Variants in STK3 observed in about 807,000 individuals in gnomAD.
The protein encoded by STK3 is serine/threonine-protein kinase 3.
Under a neutral mutation model 58.0 loss-of-function variants are expected in STK3, and 41 were observed. The observed-to-expected ratio is 0.71, with a 90% CI of 0.55 to 0.92. STK3 has a LOEUF of 0.92. Ranked by LOEUF, STK3 falls within the 40% of genes least tolerant of loss-of-function variation. The pLI is 0.00. For missense variants in STK3, 479 were observed against 602.7 expected (o/e 0.79, Z 2.15); for synonymous variants, 170 against 191.0 (o/e 0.89, Z 0.91).
At chr8:98,904,454 A>T in intron 1 of STK3, 1 of 361,756 alleles carries the variant, frequency 2.8e-6, no homozygotes, top group South Asian at 2.3e-5. Flanking sequence ...ATTAAGAAAG[A>T]AAACATAGTT....
chr8:98,698,608 C>T lies in STK3; in HGVS notation c.684+7859G>A, dbSNP rs183607939. On this transcript the variant is annotated intron_variant, in intron 6 of 10. Coordinates refer to ENST00000419617, the MANE Select transcript of STK3 (RefSeq NM_006281.4). ...TGCTTATCTGCAAAGTATTTTATTT[C>T]TCCTTCACTTATGAAGCTTAGTTTG... is the stretch of plus-strand genomic sequence containing the variant. 5.8e-3 allele frequency among the ~76,000 whole-genome samples: 887 copies of T among 152,288 alleles called. 7 individuals are homozygous for T. Among genetic ancestry groups the T allele is most frequent in the Admixed American group, 0.012 (181 of 15,284 alleles).
chr8:98,504,817 T>A (rs554055880), intron 10 of STK3, among the ~76,000 whole-genome samples: 1 of 152,350 alleles, frequency 6.6e-6, no homozygotes, highest in East Asian at 1.9e-4. Flanking sequence ...CTGGCTGCCC[T>A]GAATATTTTT....
rs1203582337 is a variant in STK3, at chr8:98,866,304, G to A, written c.110+17343C>T. Among the ~76,000 whole-genome samples the A allele has an allele frequency of 2.0e-5, 3 of 152,186 alleles. No homozygotes were observed. In the East Asian group the frequency reaches 5.8e-4, roughly 29 times the overall value. On this transcript the variant is annotated intron_variant, in intron 3 of 12. Coordinates refer to the STK3 transcript ENST00000523601. ...CCTCTTATGTCTAGGGCTGTGGGCA[G>A]CTACCTATGTAGTGTAATTGGATCT...
intron 3 of STK3, among the ~76,000 whole-genome samples, chr8:98,765,758 C>T (rs943466393): frequency 3.3e-5 from 5 of 152,218 alleles, no homozygotes; most frequent in African/African-American, 4.8e-5. Flanking sequence ...ATGGCTGTTC[C>T]TTTGTTGCTG....
intron 1 of STK3, among the ~76,000 whole-genome samples, chr8:98,797,986 G>A (rs1016408184): frequency 6.6e-6 from 1 of 152,188 alleles, no homozygotes; most frequent in Non-Finnish European, 1.5e-5. Context: ...AACGATTAAA[G>A]AGCATATTCC....
At chr8:98,657,387 G>A (rs370791036) in intron 6 of STK3, among the ~76,000 whole-genome samples, 11 of 152,170 alleles carry the variant, frequency 7.2e-5, no homozygotes, top group African/African-American at 2.6e-4. Context: ...GAACCAAGCT[G>A]TCCAGCTCTT....
intron 6 of STK3, among the ~76,000 whole-genome samples, chr8:98,642,893 T>C (rs1278933948): frequency 1.3e-5 from 2 of 152,188 alleles, no homozygotes; most frequent in Non-Finnish European, 2.9e-5. Context: ...CTTATAAATC[T>C]TCAATGGCAA....
intron 1 of STK3, among the ~76,000 whole-genome samples, chr8:98,813,785 G>A (rs1461634650): frequency 6.6e-6 from 1 of 152,010 alleles, no homozygotes; most frequent in Non-Finnish European, 1.5e-5. Context: ...TATTACATTC[G>A]CTTTCTTAAT....
intron 2 of STK3, among the ~76,000 whole-genome samples, chr8:98,774,098 G>C (rs1831505970): frequency 6.6e-6 from 1 of 151,836 alleles, no homozygotes; most frequent in Non-Finnish European, 1.5e-5. Context: ...GACCGGCCTA[G>C]CTTATTATTT....
At chr8:98,504,904 T>A (rs1444864798) in intron 10 of STK3, among the ~76,000 whole-genome samples, 1 of 152,180 alleles carries the variant, frequency 6.6e-6, no homozygotes, top group African/African-American at 2.4e-5. Flanking sequence ...CTTTGTGGTG[T>A]TCTCTATATT....
intron 10 of STK3, among the ~76,000 whole-genome samples, chr8:98,491,059 A>G (rs185825558): frequency 1.3e-5 from 2 of 152,308 alleles, no homozygotes; most frequent in Admixed American, 1.3e-4. Context: ...AGATATATAA[A>G]GAAAAGGCCA....
chr8:98,497,909 T>C (rs1335251925), intron 10 of STK3, among the ~76,000 whole-genome samples: 1 of 152,162 alleles, frequency 6.6e-6, no homozygotes, highest in East Asian at 1.9e-4. Flanking sequence ...AGCATTTCCA[T>C]ATTATTCAGC....
downstream of STK3, among the ~76,000 whole-genome samples, chr8:98,453,139 G>A (rs1337093766): frequency 2.2e-5 from 2 of 91,932 alleles, 1 homozygote; most frequent in Non-Finnish European, 4.3e-5. Flanking sequence ...CCAGGCTGGA[G>A]CGCAGTGGTG....
At chr8:98,460,347 C>T (rs902797256) in intron 10 of STK3, among the ~76,000 whole-genome samples, 4 of 152,156 alleles carry the variant, frequency 2.6e-5, no homozygotes, top group Non-Finnish European at 4.4e-5. Flanking sequence ...AATGCCTGTA[C>T]CCCCATTGTG....
intron 6 of STK3, among the ~76,000 whole-genome samples, chr8:98,703,185 AT>A (rs1033698672): frequency 1.3e-5 from 2 of 152,074 alleles, no homozygotes; most frequent in African/African-American, 4.8e-5. Flanking sequence ...AAAATGTCTT[AT>A]TTTTGTTAGC....
chr8:98,352,127 ACT>A, the STK3 span, among the ~76,000 whole-genome samples: 2 of 110,416 alleles, frequency 1.8e-5, no homozygotes, highest in South Asian at 2.8e-4. Flanking sequence ...ACAGAGAAAG[ACT>A]CTGTCTCAAA....
In STK3 at chr8:98,643,948, T is replaced by C. The variant is rs190357748; in HGVS notation, c.685-47779A>G. 2.4e-4 allele frequency among the ~76,000 whole-genome samples: 36 copies of C among 152,162 alleles called. 1 individual carries two copies. The highest frequency in any genetic ancestry group is 8.4e-4 in the African/African-American group (35 of 41,514). ...GGAAAATCTCCTGAGCTCAGATATTTGAGGCTGTAGTTACTATGATCACAC... is the reference window on the plus strand; with the variant it reads ...GGAAAATCTCCTGAGCTCAGATATTCGAGGCTGTAGTTACTATGATCACAC... On this transcript the variant is annotated intron_variant, in intron 6 of 10. Transcript: ENST00000419617.
chr8:98,654,078 T>A (rs1019262443), intron 6 of STK3, among the ~76,000 whole-genome samples: 1 of 151,984 alleles, frequency 6.6e-6, no homozygotes, highest in African/African-American at 2.4e-5. Flanking sequence ...GATGCAAAAA[T>A]CCTCAATAAA....
rs193096786 is a variant in STK3 at position 98,683,285 on chromosome 8, G to A, written c.684+23182C>T. Among the ~76,000 whole-genome samples, 47 of 152,028 alleles carry A rather than the reference G, an allele frequency of 3.1e-4. No homozygotes were observed. The East Asian group carries it at 3.3e-3, about 11-fold the overall frequency. Reference sequence around the variant, plus strand: ...TGAGGGATGACAGCTCTTTCAAGTTGGATTTGATTAGCATTTAATTACTTT... The same window carrying A: ...TGAGGGATGACAGCTCTTTCAAGTTAGATTTGATTAGCATTTAATTACTTT... On this transcript the variant is annotated intron_variant, in intron 6 of 10. Transcript: ENST00000419617.
Sources: gnomAD v4.1 joint callset for allele counts (sites outside exome capture counted in the v4.1 genomes callset) on GRCh38, gnomAD v4.1.1 for gene constraint, MANE v1.5 for transcripts, NCBI Gene and HGNC (gene_info 2026-07-23, HGNC 2026-07-21) for gene names.